The following PICK1 variants were observed in gnomAD, a reference collection of about 807,000 sequenced individuals.
PICK1 encodes PRKCA-binding protein.
A neutral mutation model predicts 48.9 loss-of-function variants in PICK1; 23 were observed. The observed-to-expected ratio is 0.47, with a 90% confidence interval of 0.34 to 0.67. PICK1 has a LOEUF of 0.67. Ranked by LOEUF, PICK1 falls within the 30% of genes least tolerant of loss-of-function variation. The pLI is 0.01. For synonymous variants in PICK1, 217 were observed against 228.2 expected, an observed-to-expected ratio of 0.95 and a Z score of 0.44; for missense variants, 423 against 557.1, an observed-to-expected ratio of 0.76 and a Z score of 2.42.
intron 3 of PICK1, among the ~76,000 whole-genome samples, chr22:38,063,340 G>A (rs1250597816): frequency 6.6e-6 from 1 of 151,212 alleles, no homozygotes; most frequent in African/African-American, 2.4e-5. Flanking sequence ...TATTTTTTTT[G>A]TAGAGACAGA....
chr22:38,059,703 A>G (rs1213852164), intron 3 of PICK1, among the ~76,000 whole-genome samples: 1 of 152,232 alleles, frequency 6.6e-6, no homozygotes, highest in African/African-American at 2.4e-5. Flanking sequence ...CAAAACCATC[A>G]GCCTTGCGTA....
Position 38,074,899 on chromosome 22 carries a change from T to G in PICK1, c.1015T>G (p.Ser339Ala). ...CGTGTTCCAGCTGCAGCGCCTCGTG[T>G]CCACCATGTCCAAGTACTACAACGA... ...DIVFQLQRLV[S>A]TMSKYYNDCY... Residue 339 changes from serine (S) to alanine (A), a missense_variant, in exon 13 of 13, where the codon TCC becomes GCC. Transcript: ENST00000356976. This position sits in a 1 kb window ranked among gnomAD's most constrained non-coding sequence, Gnocchi z 4.5. 6.8e-6 allele frequency: 11 copies of G among 1,613,366 alleles called. No individual in the cohort carries two copies. The highest frequency in any genetic ancestry group is 9.3e-6 in the Non-Finnish European group (11 of 1,180,022).
intron 7 of PICK1, 71 bp from the exon 8 acceptor site, chr22:38,071,611 G>A: frequency 7.4e-7 from 1 of 1,356,750 alleles, no homozygotes; most frequent in Non-Finnish European, 1.1e-6. Flanking sequence ...TGGGCAATTG[G>A]AGGCCTTGCC....
chr22:38,075,368 G>A lies in PICK1; in HGVS notation c.*236G>A, dbSNP rs1320640899. The A allele has an allele frequency of 3.7e-6, 2 of 538,974 alleles. No homozygotes were observed. Among genetic ancestry groups the A allele is most frequent in the Admixed American group, 3.2e-5 (1 of 31,360 alleles). 33.4% of individuals were successfully genotyped at this position (538,974 alleles called of 1,614,324 possible). A position where few individuals can be genotyped will look rare whatever the true frequency, so the allele number is the denominator to read the frequency against. ...ACCCTCCCTCCCCTCCCGGCTCCCC[G>A]GCCAGAGGGAGAGCTTGGTCTCTGG... On this transcript the variant is annotated 3_prime_UTR_variant, in exon 13 of 13. Coordinates refer to ENST00000356976, the MANE Select transcript of PICK1 (RefSeq NM_012407.4).
Position 38,074,478 on chromosome 22 carries a change from C to T in PICK1, c.979+27C>T. 6.2e-7 allele frequency: 1 copy of T among 1,612,210 alleles called. No individual in the cohort carries two copies. Among genetic ancestry groups the T allele is most frequent in the Non-Finnish European group, 8.5e-7 (1 of 1,179,600 alleles). On this transcript the variant is annotated intron_variant, in intron 12 of 12. Transcript: ENST00000356976. This position sits in a 1 kb window ranked among gnomAD's most constrained non-coding sequence, Gnocchi z 4.5. ...TGAGCGCCGCCCTCCTCCCCGTCCG[C>T]TCTCCATTTCAGAGGTGGGAAAACT...
At chr22:38,063,265 T>C (rs532088489) in intron 3 of PICK1, among the ~76,000 whole-genome samples, 2 of 151,986 alleles carry the variant, frequency 1.3e-5, no homozygotes, top group East Asian at 3.9e-4. Context: ...CAAGCGATCC[T>C]CCCACCTCAG....
chr22:38,072,706 G>C (rs1157810462), intron 9 of PICK1, 96 bp downstream of exon 9: 33 of 1,530,216 alleles, frequency 2.2e-5, no homozygotes, highest in Non-Finnish European at 2.8e-5. Context: ...TCCTGTGCCT[G>C]GGTACAGCCT....
rs2145871856 is a variant in PICK1, at chr22:38,067,683, CTG to C, written c.283-14_283-13del. 6.2e-6 allele frequency: 10 copies of C among 1,609,804 alleles called. No individual in the cohort carries two copies. The highest frequency in any genetic ancestry group is 1.7e-4 in the Middle Eastern group (1 of 6,050). ...AGGGTGTGGAGCCTCGCTCACTAGT[CTG>C]TGTGTGCTGCTCTTCCAGGGGGAGG... On this transcript the variant is annotated intron_variant, in intron 4 of 12. Coordinates refer to ENST00000356976, the MANE Select transcript of PICK1 (RefSeq NM_012407.4).
chr22:38,064,998 A>G lies in PICK1; in HGVS notation c.154-4A>G. ...CCCCCACCACTCTCCTTATGCACCC[A>G]CAGGTATTTGACAACACCCCAGCAG... is the stretch of plus-strand genomic sequence containing the variant. On this transcript the variant is annotated splice_region_variant and splice_polypyrimidine_tract_variant and intron_variant, in intron 3 of 12. Transcript: ENST00000356976. The G allele has an allele frequency of 1.2e-6, 2 of 1,613,962 alleles. No individual in the cohort carries two copies. The highest frequency in any genetic ancestry group is 1.7e-6 in the Non-Finnish European group (2 of 1,179,934).
chr22:38,072,707 G>A, intron 9 of PICK1, 97 bp downstream of exon 9: 1 of 1,526,522 alleles, frequency 6.6e-7, no homozygotes, highest in Non-Finnish European at 9.0e-7. Context: ...CCTGTGCCTG[G>A]GTACAGCCTC....
At chr22:38,064,202 C>A (rs1042060553) in intron 3 of PICK1, among the ~76,000 whole-genome samples, 3 of 151,902 alleles carry the variant, frequency 2.0e-5, no homozygotes, top group East Asian at 3.9e-4. Context: ...GGACTGCAGG[C>A]GCCTGCCACC....
rs1569206362 is a variant in PICK1 at position 38,075,206 on chromosome 22, G to C, written c.*74G>C. 2 of 1,438,772 alleles carry C rather than the reference G, an allele frequency of 1.4e-6. No homozygotes were observed. The highest frequency in any genetic ancestry group is 2.8e-5 in the African/African-American group (2 of 70,972). The allele number at this position is 1,438,772 out of a possible 1,614,324, so 89.1% of individuals were successfully genotyped here. On this transcript the variant is annotated 3_prime_UTR_variant, in exon 13 of 13. Transcript: ENST00000356976. ...CCTGGGAGCGGGGCGGGGCCGCCGC[G>C]CAAGGGGGCGACGCATAAAGGCCTG...
At chr22:38,058,146 C>T (rs1387559056) in intron 2 of PICK1, 6 of 473,898 alleles carry the variant, frequency 1.3e-5, no homozygotes, top group Middle Eastern at 5.9e-4. Flanking sequence ...TCATGGAGGA[C>T]GTAGCAATTG....
chr22:38,061,258 T>C (rs867558442), intron 3 of PICK1, among the ~76,000 whole-genome samples: 21 of 152,046 alleles, frequency 1.4e-4, no homozygotes, highest in Middle Eastern at 3.2e-3. Flanking sequence ...GGAGAATCGC[T>C]TGAACCCGGG....
Position 38,070,481 on chromosome 22 carries a change from CTG to C in PICK1, c.440-352_440-351del, listed in dbSNP as rs572295744. On this transcript the variant is annotated intron_variant, in intron 6 of 12. Transcript: ENST00000356976. The stretch of plus-strand genomic sequence containing the variant: ...AGTTGCGTTTTCCCTTCTGAGCCAT[CTG>C]TGTGCTTGGGAGGCAGAGACCATGT... 7.2e-5 allele frequency among the ~76,000 whole-genome samples: 11 copies of C among 152,368 alleles called. No individual in the cohort carries two copies. In the South Asian group the frequency reaches 2.3e-3, roughly 32 times the overall value.
At chr22:38,071,123 G>T (rs911123094) in intron 7 of PICK1, among the ~76,000 whole-genome samples, 2 of 152,172 alleles carry the variant, frequency 1.3e-5, no homozygotes, top group Non-Finnish European at 2.9e-5. Context: ...GAGGTGGGCG[G>T]ATCACTTAAG....
chr22:38,074,393 C>T lies in PICK1; in HGVS notation c.921C>T (p.Arg307=). Residue 307 remains arginine, a synonymous_variant, in exon 12 of 13, where the codon CGC becomes CGT. Coordinates refer to ENST00000356976, the MANE Select transcript of PICK1 (RefSeq NM_012407.4). This position sits in a 1 kb window ranked among gnomAD's most constrained non-coding sequence, Gnocchi z 4.5. The part of the protein sequence containing the change: ...ILRCRQEARA[R]FSQMRKDVLE... ...GCTGCCGCCAGGAGGCGCGCGCCCG[C>T]TTCTCCCAGATGCGCAAGGATGTGC... 6.2e-7 allele frequency: 1 copy of T among 1,613,144 alleles called. No individual in the cohort carries two copies. The highest frequency in any genetic ancestry group is 8.5e-7 in the Non-Finnish European group (1 of 1,179,978).
rs1012753170 is a variant in PICK1, at chr22:38,074,679, A to G, written c.980-185A>G. 2.6e-5 allele frequency among the ~76,000 whole-genome samples: 4 copies of G among 152,048 alleles called. No homozygotes were observed. Among genetic ancestry groups the G allele is most frequent in the East Asian group, 3.9e-4 (2 of 5,170 alleles). Reference sequence around the variant, plus strand: ...AGCCTCCTGCGTTCCCTGAACTGGGAGCGGGGAGGCCCCGGGCTGGGCGGC... The same window carrying G: ...AGCCTCCTGCGTTCCCTGAACTGGGGGCGGGGAGGCCCCGGGCTGGGCGGC... On this transcript the variant is annotated intron_variant, in intron 12 of 12. Coordinates refer to ENST00000356976, the MANE Select transcript of PICK1 (RefSeq NM_012407.4). The surrounding 1 kb of genome is among the most constrained non-coding windows in gnomAD (Gnocchi z 4.5).
chr22:38,071,600 A>G, intron 7 of PICK1, 82 bp from the exon 8 acceptor site: 1 of 1,212,134 alleles, frequency 8.2e-7, no homozygotes, highest in East Asian at 2.3e-5. Context: ...CTTGGGTGGC[A>G]TGGGCAATTG....
Sources: gnomAD v4.1 joint callset for allele counts (sites outside exome capture counted in the v4.1 genomes callset) on GRCh38, gnomAD v4.1.1 for gene constraint, Gnocchi (gnomAD v3.1) non-coding constraint, MANE v1.5 for transcripts, NCBI Gene and HGNC (gene_info 2026-07-23, HGNC 2026-07-21) for gene names.